The following TFCP2 variants were observed in gnomAD, a reference collection of about 807,000 sequenced individuals.
TFCP2 encodes the protein transcription factor CP2.
Under a neutral mutation model 73.4 loss-of-function variants are expected in TFCP2, and 33 were observed. The observed-to-expected ratio is 0.45, with a 90% confidence interval of 0.34 to 0.60. TFCP2 has a LOEUF of 0.60. Among genes scored for constraint, TFCP2 ranks in the 20% least tolerant of loss-of-function variants. The pLI is 0.01. For missense variants in TFCP2, 352 were observed against 604.0 expected, an observed-to-expected ratio of 0.58 and a Z score of 4.37; for synonymous variants, 193 against 211.6, an observed-to-expected ratio of 0.91 and a Z score of 0.76.
Position 51,124,853 on chromosome 12 carries a change from C to T in TFCP2, c.123-6081G>A, listed in dbSNP as rs138860334. ...CCCTCTCTGCTTCCTGCTGAGCCAC[C>T]TGTTTGGCTTCCACTGCTTCTGTGA... On this transcript the variant is annotated intron_variant, in intron 1 of 14. Transcript: ENST00000257915. 64 of 1,300,764 alleles carry T rather than the reference C, an allele frequency of 4.9e-5. No homozygotes were observed. The East Asian group carries it at 1.3e-3, about 27-fold the overall frequency. 80.6% of individuals were successfully genotyped at this position (1,300,764 alleles called of 1,614,324 possible). A position where few individuals can be genotyped will look rare whatever the true frequency, so the allele number is the denominator to read the frequency against.
At chr12:51,120,220 A>T (rs1157857500) in intron 1 of TFCP2, among the ~76,000 whole-genome samples, 1 of 151,790 alleles carries the variant, frequency 6.6e-6, no homozygotes, top group African/African-American at 2.4e-5. Context: ...ACAACAACAA[A>T]AAAATAAAAA....
At chr12:51,129,837 G>A (rs5019765) in intron 1 of TFCP2, among the ~76,000 whole-genome samples, 145,878 of 151,256 alleles carry the variant, frequency 0.96, 70,406 homozygotes, top group East Asian at 1. Context: ...AAAACTGGGG[G>A]AAAAAAAAAA....
chr12:51,095,632 A>T (rs1939940887), intron 14 of TFCP2, among the ~76,000 whole-genome samples: 1 of 151,604 alleles, frequency 6.6e-6, no homozygotes, highest in Admixed American at 6.6e-5. Flanking sequence ...CTGGCCAACA[A>T]GGTGAAACCC....
intron 1 of TFCP2, among the ~76,000 whole-genome samples, chr12:51,144,121 C>T (rs570115474): frequency 5.9e-5 from 9 of 152,160 alleles, no homozygotes; most frequent in East Asian, 1.9e-4. Flanking sequence ...CTTCAACTGC[C>T]GAGGCTCAAG....
chr12:51,148,855 T>A lies in TFCP2; in HGVS notation c.122+23446A>T, dbSNP rs1482843313. Reference sequence around the variant, plus strand: ...GCCTGACCAATATGGCGAAACCCTGTCTCTACTAAAAATACAAAAATTAGC... The same window carrying A: ...GCCTGACCAATATGGCGAAACCCTGACTCTACTAAAAATACAAAAATTAGC... On this transcript the variant is annotated intron_variant, in intron 1 of 14. Transcript: ENST00000257915. Among the ~76,000 whole-genome samples the A allele has an allele frequency of 2.7e-5, 4 of 150,304 alleles. No homozygotes were observed. In the East Asian group the frequency reaches 7.8e-4, roughly 29 times the overall value.
intron 1 of TFCP2, among the ~76,000 whole-genome samples, chr12:51,122,644 T>G (rs934683183): frequency 6.6e-6 from 1 of 152,226 alleles, no homozygotes; most frequent in Non-Finnish European, 1.5e-5. Context: ...TTTGCTCATA[T>G]GAGTTAAGAG....
chr12:51,162,085 T>A (rs1941661828), intron 1 of TFCP2, among the ~76,000 whole-genome samples: 2 of 151,460 alleles, frequency 1.3e-5, no homozygotes. Context: ...GAAGAAAGAA[T>A]CAATGAACAT....
intron 1 of TFCP2, among the ~76,000 whole-genome samples, chr12:51,149,023 T>TAAAAAAAAAA (rs1291751619): frequency 7.4e-4 from 4 of 5,420 alleles, no homozygotes; most frequent in South Asian, 0.014. Flanking sequence ...AGACTCCATC[T>TAAAAAAAAAA]CAAAAAAAAA....
rs369857284 is a variant in TFCP2, at chr12:51,103,780, G to A, written c.967-17C>T. The A allele has an allele frequency of 1.0e-4, 162 of 1,597,258 alleles. No individual in the cohort carries two copies. The highest frequency in any genetic ancestry group is 1.3e-4 in the East Asian group (6 of 44,772). ...TAAGAGGTTCTGAAAGGGAGAGCAC[G>A]TTTTTTAGATAACCAAATAGATTTG... On this transcript the variant is annotated splice_polypyrimidine_tract_variant and intron_variant, in intron 9 of 14. Coordinates refer to ENST00000257915, the MANE Select transcript of TFCP2 (RefSeq NM_005653.5).
intron 1 of TFCP2, among the ~76,000 whole-genome samples, chr12:51,149,755 A>G (rs1458166574): frequency 6.6e-6 from 1 of 151,938 alleles, no homozygotes; most frequent in Admixed American, 6.6e-5. Flanking sequence ...ATGCATCACC[A>G]CGCTCAGCTA....
At chr12:51,122,253 CTTTTTTTTTTTTTT>C (rs11347975) in intron 1 of TFCP2, among the ~76,000 whole-genome samples, 1 of 73,180 alleles carries the variant, frequency 1.4e-5, no homozygotes, top group Non-Finnish European at 2.6e-5. Flanking sequence ...TTTTTCTTTT[CTTTTTTTTTTTTTT>C]TTTTTTTTTG....
chr12:51,167,851 G>A (rs369442698), intron 1 of TFCP2, among the ~76,000 whole-genome samples: 4 of 151,560 alleles, frequency 2.6e-5, no homozygotes, highest in East Asian at 2.0e-4. Context: ...TCTTAAGGTC[G>A]GGAGTTAGAG....
chr12:51,132,419 A>AGTGCAGTG (rs1940968745), intron 1 of TFCP2, among the ~76,000 whole-genome samples: 1 of 123,254 alleles, frequency 8.1e-6, no homozygotes, highest in South Asian at 2.8e-4. Context: ...CCCAGGCTAA[A>AGTGCAGTG]GTGCAGTGGT....
Position 51,131,037 on chromosome 12 carries a change from G to A in TFCP2, c.123-12265C>T, listed in dbSNP as rs969304321. Among the ~76,000 whole-genome samples, 6 of 149,880 alleles carry A rather than the reference G, an allele frequency of 4.0e-5. No homozygotes were observed. In the South Asian group the frequency reaches 1.1e-3, roughly 26 times the overall value. ...TGTGTACTTGCCTTGACAAAACAAGGACTAGACGCAGTTCGGGCGCGGTGG... is the reference window on the plus strand; with the variant it reads ...TGTGTACTTGCCTTGACAAAACAAGAACTAGACGCAGTTCGGGCGCGGTGG... On this transcript the variant is annotated intron_variant, in intron 1 of 14. Transcript: ENST00000257915.
intron 1 of TFCP2, among the ~76,000 whole-genome samples, chr12:51,131,343 A>C (rs1280500554): frequency 6.6e-6 from 1 of 151,728 alleles, no homozygotes; most frequent in East Asian, 1.9e-4. Flanking sequence ...AAAAAAAAAA[A>C]AAAAACAAGG....
At chr12:51,119,642 C>T (rs149811208) in intron 1 of TFCP2, among the ~76,000 whole-genome samples, 3,164 of 151,138 alleles carry the variant, frequency 0.021, 41 homozygotes, top group Non-Finnish European at 0.031. Context: ...CCCAGCTACT[C>T]AAGAGGCTGA....
At chr12:51,096,581 G>A (rs10876136) in intron 13 of TFCP2, among the ~76,000 whole-genome samples, 66,039 of 152,120 alleles carry the variant, frequency 0.43, 16,076 homozygotes, top group Non-Finnish European at 0.56. Context: ...ACCCTTTTAT[G>A]AGCCACATGG....
At chr12:51,131,963 C>G (rs571562675) in intron 1 of TFCP2, among the ~76,000 whole-genome samples, 1 of 152,312 alleles carries the variant, frequency 6.6e-6, no homozygotes, top group South Asian at 2.1e-4. Context: ...TTTGTACTCA[C>G]TTCTCCCTAA....
chr12:51,099,664 T>C lies in TFCP2; in HGVS notation c.1267A>G (p.Thr423Ala). The change falls in exon 12 of 15, where the codon ACT becomes GCT. Residue 423 changes from threonine to alanine, a missense_variant. Transcript: ENST00000257915. The stretch of plus-strand genomic sequence containing the variant: ...GTCCAGAACAACCTACCGAAGAAAG[T>C]ACCATTTGAGTCTCCATCCTCATGC... ...QKHEDGDSNG[T>A]FFVYHAIYLE... 1 of 1,614,192 alleles carries C rather than the reference T, an allele frequency of 6.2e-7. No homozygotes were observed. Among genetic ancestry groups the C allele is most frequent in the African/African-American group, 1.3e-5 (1 of 75,054 alleles).
Sources: allele counts gnomAD v4.1 joint callset (sites outside exome capture counted in the v4.1 genomes callset), GRCh38; gene constraint gnomAD v4.1.1; transcripts MANE v1.5; gene names NCBI Gene and HGNC (gene_info 2026-07-23, HGNC 2026-07-21).